The following PAM variants were observed in gnomAD, a reference collection of about 807,000 sequenced individuals.
PAM encodes the protein peptidyl-glycine alpha-amidating monooxygenase.
PAM carries 72 observed loss-of-function variants against 122.1 expected under a neutral mutation model. That is an observed-to-expected ratio of 0.59 (90% confidence interval 0.49 to 0.72). The LOEUF is 0.72. PAM is among the 30% of genes least tolerant of loss of function. PAM has a pLI of 0.00. For synonymous variants in PAM, 389 were observed against 404.4 expected (o/e 0.96, Z 0.46); for missense variants, 1,106 against 1,183.7 (o/e 0.93, Z 0.96).
chr5:102,864,002 T>G (rs1028999074), intron 1 of PAM, among the ~76,000 whole-genome samples: 5 of 151,348 alleles, frequency 3.3e-5, no homozygotes, highest in Non-Finnish European at 7.4e-5. Flanking sequence ...AGTGGAATAT[T>G]TTTTTCAAAG....
At chr5:102,958,831 T>C (rs1761621728) in intron 12 of PAM, among the ~76,000 whole-genome samples, 1 of 152,172 alleles carries the variant, frequency 6.6e-6, no homozygotes, top group African/African-American at 2.4e-5. Context: ...CTGCATGACA[T>C]TGCTGGAAAA....
rs1440106696 is a variant in PAM at position 102,831,674 on chromosome 5, GT to G, written c.-373-34148del. Among the ~76,000 whole-genome samples, 3 of 152,190 alleles carry G rather than the reference GT, an allele frequency of 2.0e-5. No individual in the cohort carries two copies. The East Asian group carries it at 5.8e-4, about 29-fold the overall frequency. On this transcript the variant is annotated intron_variant, in intron 1 of 25. Transcript: ENST00000438793. ...TTAAAGCCCAGTTGATGTAGTTTGT[GT>G]ATTTCCCTGGCTAACATTGTTGGCA...
At chr5:102,987,447 T>C (rs1772253836) in intron 15 of PAM, 1 of 414,246 alleles carries the variant, frequency 2.4e-6, no homozygotes, top group South Asian at 1.8e-5. Context: ...AGAGATGAAA[T>C]AACTTTTAGT....
At chr5:102,979,030 TCACACACACACA>T (rs10578523) in intron 15 of PAM, among the ~76,000 whole-genome samples, 9 of 147,918 alleles carry the variant, frequency 6.1e-5, no homozygotes, top group African/African-American at 1.7e-4. Context: ...TTATTCTGCA[TCACACACACACA>T]CACACACACA....
chr5:102,890,878 A>G (rs1179003200), intron 3 of PAM, among the ~76,000 whole-genome samples: 1 of 151,926 alleles, frequency 6.6e-6, no homozygotes. Context: ...TCCTACAGCT[A>G]TTTGGTTCAT....
At chr5:102,955,503 C>A (rs953723336) in intron 12 of PAM, among the ~76,000 whole-genome samples, 4 of 152,032 alleles carry the variant, frequency 2.6e-5, no homozygotes, top group Admixed American at 2.0e-4. Flanking sequence ...CTTCATTCAA[C>A]ACATATTTAT....
At chr5:102,843,903 G>C (rs1779305841) in intron 1 of PAM, among the ~76,000 whole-genome samples, 2 of 152,208 alleles carry the variant, frequency 1.3e-5, no homozygotes, top group Admixed American at 1.3e-4. Context: ...TACATTGCTA[G>C]TGGGAATCTA....
intron 15 of PAM, among the ~76,000 whole-genome samples, chr5:102,983,206 A>G (rs1770498827): frequency 6.6e-6 from 1 of 152,060 alleles, no homozygotes; most frequent in African/African-American, 2.4e-5. Context: ...ACAGTTTGGG[A>G]GGCTGAGGCG....
At chr5:102,891,118 A>G (rs1017291680) in intron 3 of PAM, among the ~76,000 whole-genome samples, 15 of 151,910 alleles carry the variant, frequency 9.9e-5, no homozygotes, top group Non-Finnish European at 1.8e-4. Flanking sequence ...ATCCTTTATA[A>G]AAGGTTTTTA....
intron 1 of PAM, among the ~76,000 whole-genome samples, chr5:102,784,163 G>A (rs1427083637): frequency 6.6e-6 from 1 of 151,678 alleles, no homozygotes; most frequent in Non-Finnish European, 1.5e-5. Context: ...AAAGTGCTGG[G>A]ATTACAGGCG....
intron 1 of PAM, among the ~76,000 whole-genome samples, chr5:102,800,514 T>C (rs1764425736): frequency 6.6e-6 from 1 of 152,196 alleles, no homozygotes; most frequent in Non-Finnish European, 1.5e-5. Context: ...CTTCATGTTA[T>C]AGGTGACAAA....
intron 5 of PAM, among the ~76,000 whole-genome samples, chr5:102,915,635 A>G (rs1056642652): frequency 1.2e-4 from 19 of 152,176 alleles, no homozygotes; most frequent in African/African-American, 4.3e-4. Flanking sequence ...CTTTAAAACA[A>G]TTTCTTCTGA....
intron 21 of PAM, among the ~76,000 whole-genome samples, chr5:103,015,162 G>A (rs1781622636): frequency 1.3e-5 from 2 of 152,132 alleles, no homozygotes; most frequent in South Asian, 2.1e-4. Flanking sequence ...GAAATGTGCT[G>A]CTTAACCTTT....
At chr5:102,903,049 CACAT>C (rs1798473996) in intron 4 of PAM, among the ~76,000 whole-genome samples, 4 of 151,590 alleles carry the variant, frequency 2.6e-5, no homozygotes, top group African/African-American at 9.6e-5. Flanking sequence ...TCACAGGAAA[CACAT>C]AAAGGTCTAT....
intron 1 of PAM, among the ~76,000 whole-genome samples, chr5:102,810,092 A>G (rs1767451665): frequency 6.6e-6 from 1 of 152,236 alleles, no homozygotes; most frequent in African/African-American, 2.4e-5. Flanking sequence ...CAAGAATAAT[A>G]TAGTCTAAGC....
intron 1 of PAM, among the ~76,000 whole-genome samples, chr5:102,859,410 G>GTT (rs149043528): frequency 6.8e-6 from 1 of 148,000 alleles, no homozygotes; most frequent in African/African-American, 2.5e-5. Flanking sequence ...GTTTAATAAG[G>GTT]TTTTTTTTTA....
rs987225692 is a variant in PAM at position 102,922,621 on chromosome 5, C to T, written c.357-2336C>T. 3.9e-5 allele frequency among the ~76,000 whole-genome samples: 6 copies of T among 152,142 alleles called. 1 individual carries two copies. Among genetic ancestry groups the T allele is most frequent in the Admixed American group, 3.9e-4 (6 of 15,274 alleles). On this transcript the variant is annotated intron_variant, in intron 5 of 25. Coordinates refer to ENST00000438793, the MANE Select transcript of PAM (RefSeq NM_001177306.2). ...TATAACTTAGAAAAAGTTACTAAGC[C>T]AGTTTTCTCTGTTATATTTCAATCT...
intron 1 of PAM, among the ~76,000 whole-genome samples, chr5:102,771,062 T>G (rs932281143): frequency 1.3e-5 from 2 of 152,108 alleles, no homozygotes; most frequent in African/African-American, 4.8e-5. Context: ...TTTTGTACAG[T>G]GGCACCATTT....
intron 16 of PAM, among the ~76,000 whole-genome samples, chr5:102,999,084 C>T (rs148060146): frequency 6.6e-6 from 1 of 152,156 alleles, no homozygotes. Flanking sequence ...TATAAAACCA[C>T]CAGATCGCAT....
Sources: allele counts gnomAD v4.1 joint callset (sites outside exome capture counted in the v4.1 genomes callset), GRCh38; gene constraint gnomAD v4.1.1; transcripts MANE v1.5; gene names NCBI Gene and HGNC (gene_info 2026-07-23, HGNC 2026-07-21).